Variants in LDB2 observed in about 807,000 individuals in gnomAD.
The protein encoded by LDB2 is LIM domain binding 2.
LDB2 carries 12 observed loss-of-function variants against 44.3 expected under a neutral mutation model. The observed-to-expected ratio is 0.27, with a 90% CI of 0.17 to 0.44. The LOEUF (loss-of-function observed/expected upper bound fraction) is 0.44. Ranked by LOEUF, LDB2 falls within the 20% of genes least tolerant of loss-of-function variation. The pLI, the probability that LDB2 is intolerant of heterozygous loss-of-function variation, is 1.00. For synonymous variants in LDB2, 164 were observed against 174.8 expected, an observed-to-expected ratio of 0.94 and a Z score of 0.49; for missense variants, 344 against 473.5, an observed-to-expected ratio of 0.73 and a Z score of 2.54.
intron 2 of LDB2, among the ~76,000 whole-genome samples, chr4:16,602,846 T>C (rs2152453287): frequency 6.6e-6 from 1 of 152,302 alleles, no homozygotes; most frequent in Non-Finnish European, 1.5e-5. Flanking sequence ...CTTAGCATCA[T>C]TAATTCACCA....
At chr4:16,549,308 T>C (rs1736831739) in intron 5 of LDB2, among the ~76,000 whole-genome samples, 1 of 152,190 alleles carries the variant, frequency 6.6e-6, no homozygotes, top group African/African-American at 2.4e-5. Context: ...CATGGGAAGT[T>C]ATAACTGCAT....
intron 1 of LDB2, among the ~76,000 whole-genome samples, chr4:16,809,906 C>T (rs61288399): frequency 0.013 from 1,980 of 152,266 alleles, 35 homozygotes; most frequent in East Asian, 0.078. Context: ...TTAATACACT[C>T]GGCGGTAAAT....
intron 1 of LDB2, among the ~76,000 whole-genome samples, chr4:16,792,895 A>G (rs1240653994): frequency 6.6e-6 from 1 of 152,178 alleles, no homozygotes; most frequent in Non-Finnish European, 1.5e-5. Context: ...ATAAACATCA[A>G]TTTGGGGGTT....
intron 2 of LDB2, among the ~76,000 whole-genome samples, chr4:16,649,257 A>G (rs780921550): frequency 6.6e-5 from 10 of 152,188 alleles, no homozygotes; most frequent in African/African-American, 9.7e-5. Context: ...TGGGAACGAA[A>G]TGCTTCCATT....
intron 1 of LDB2, among the ~76,000 whole-genome samples, chr4:16,784,350 C>T (rs1241738698): frequency 6.6e-6 from 1 of 152,164 alleles, no homozygotes; most frequent in African/African-American, 2.4e-5. Flanking sequence ...TCTGTTTCCT[C>T]ATCTGTAGAC....
At chr4:16,563,343 G>T (rs1427785375) in intron 5 of LDB2, among the ~76,000 whole-genome samples, 2 of 140,488 alleles carry the variant, frequency 1.4e-5, no homozygotes, top group East Asian at 4.1e-4. Context: ...TCCATGTCAT[G>T]TTTGAAGAGT....
chr4:16,550,576 A>C (rs1419388473), intron 5 of LDB2, among the ~76,000 whole-genome samples: 1 of 152,264 alleles, frequency 6.6e-6, no homozygotes, highest in Non-Finnish European at 1.5e-5. Flanking sequence ...GAAGGAAACC[A>C]ATAATGAGAA....
intron 2 of LDB2, chr4:16,674,319 A>G (rs1157719654): frequency 8.0e-7 from 1 of 1,243,492 alleles, no homozygotes; most frequent in East Asian, 5.6e-5. Context: ...TGAATGCACA[A>G]CTGCAGAAAG....
At chr4:16,586,344 C>T (rs1017522928) in intron 4 of LDB2, among the ~76,000 whole-genome samples, 6 of 152,074 alleles carry the variant, frequency 3.9e-5, no homozygotes, top group Admixed American at 1.3e-4. Context: ...CCAGGTCTAA[C>T]GCCCTCATTA....
intron 1 of LDB2, among the ~76,000 whole-genome samples, chr4:16,765,666 C>A (rs1160347951): frequency 6.6e-6 from 1 of 152,160 alleles, no homozygotes; most frequent in Admixed American, 6.5e-5. Context: ...AAGGCCCTAC[C>A]CACACGGCGA....
chr4:16,653,010 G>A (rs1738739674), intron 2 of LDB2, among the ~76,000 whole-genome samples: 1 of 152,120 alleles, frequency 6.6e-6, no homozygotes, highest in African/African-American at 2.4e-5. Context: ...ATGCCACTTT[G>A]TGGAATTATT....
chr4:16,696,755 G>A (rs946541671), intron 2 of LDB2, among the ~76,000 whole-genome samples: 1 of 152,064 alleles, frequency 6.6e-6, no homozygotes, highest in African/African-American at 2.4e-5. Context: ...TTCCATGATG[G>A]GTCTAAATGC....
chr4:16,608,017 C>T (rs2314092), intron 2 of LDB2, among the ~76,000 whole-genome samples: 55,567 of 151,584 alleles, frequency 0.37, 10,603 homozygotes, highest in East Asian at 0.61. Context: ...ATGTTCTAGT[C>T]CAGAACATGG....
At chr4:16,692,334 T>C (rs901360848) in intron 2 of LDB2, among the ~76,000 whole-genome samples, 21 of 152,286 alleles carry the variant, frequency 1.4e-4, no homozygotes, top group African/African-American at 4.3e-4. Context: ...AGAATAAGCA[T>C]ATCTGACGTC....
chr4:16,529,531 C>A (rs1391384859), intron 5 of LDB2, among the ~76,000 whole-genome samples: 1 of 152,170 alleles, frequency 6.6e-6, no homozygotes, highest in Non-Finnish European at 1.5e-5. Flanking sequence ...CTTCTAATTT[C>A]ATTGTGTGTT....
At chr4:16,622,337 T>A (rs762399602) in intron 2 of LDB2, among the ~76,000 whole-genome samples, 1 of 152,224 alleles carries the variant, frequency 6.6e-6, no homozygotes, top group South Asian at 2.1e-4. Flanking sequence ...TCAATAATTA[T>A]TGGTTGAATG....
At chr4:16,871,576 T>C (rs564205045) in intron 1 of LDB2, among the ~76,000 whole-genome samples, 3 of 151,972 alleles carry the variant, frequency 2.0e-5, no homozygotes, top group African/African-American at 7.2e-5. Context: ...TAATCATTAA[T>C]GTAAAAGAAA....
At chr4:16,726,756 G>C (rs556231620) in intron 2 of LDB2, among the ~76,000 whole-genome samples, 43 of 152,294 alleles carry the variant, frequency 2.8e-4, no homozygotes, top group African/African-American at 9.1e-4. Context: ...TTCAATGGCT[G>C]CATAGGGGGT....
In LDB2 at chr4:16,511,374, A is replaced by G. The variant is rs533454735; in HGVS notation, c.739+607T>C. ...CAGGAGACTATAGTATCTAAACTGC[A>G]TTCTAGGGAAGTGAGGGAAATGGAA... On this transcript the variant is annotated intron_variant, in intron 6 of 7. Transcript: ENST00000304523. Among the ~76,000 whole-genome samples the G allele has an allele frequency of 3.3e-5, 5 of 152,330 alleles. No homozygotes were observed. The South Asian group carries it at 8.3e-4, about 25-fold the overall frequency.
Sources: allele counts gnomAD v4.1 joint callset (sites outside exome capture counted in the v4.1 genomes callset), GRCh38; gene constraint gnomAD v4.1.1; transcripts MANE v1.5; gene names NCBI Gene and HGNC (gene_info 2026-07-23, HGNC 2026-07-21).